The following PRSS23 variants were observed in gnomAD, a reference collection of about 807,000 sequenced individuals.
The protein encoded by PRSS23 is protease, serine 23.
Under a neutral mutation model 34.7 loss-of-function variants are expected in PRSS23, and 25 were observed. The ratio of observed to expected loss-of-function variants is 0.72; its 90% confidence interval spans 0.53 to 1.01. PRSS23 has a LOEUF of 1.01. Ranked by LOEUF, PRSS23 falls within the 50% of genes least tolerant of loss-of-function variation. The pLI, the probability that PRSS23 is intolerant of heterozygous loss-of-function variation, is 0.00. For missense variants in PRSS23, 445 were observed against 475.6 expected (o/e 0.94, Z 0.60); for synonymous variants, 176 against 186.6 (o/e 0.94, Z 0.46).
chr11:86,839,103 G>A (rs916385654), intron 2 of PRSS23, among the ~76,000 whole-genome samples: 8 of 151,690 alleles, frequency 5.3e-5, no homozygotes, highest in Non-Finnish European at 8.8e-5. Flanking sequence ...AAGGATTGCA[G>A]CTCCTCGCCA....
chr11:86,928,707 T>TATATATATATATATATATATATATATATA lies in PRSS23; in HGVS notation c.207-22509_207-22508insATATATATATATATATATATATATATATA, dbSNP rs59624601. 3.2e-3 allele frequency among the ~76,000 whole-genome samples: 212 copies of TATATATATATATATATATATATATATATA among 65,808 alleles called. 16 individuals carry two copies. The highest frequency in any genetic ancestry group is 7.9e-3 in the Middle Eastern group (1 of 126). 43.2% of individuals were successfully genotyped at this position (65,808 alleles called of 152,430 possible). On this transcript the variant is annotated intron_variant, in intron 2 of 2. Coordinates refer to the PRSS23 transcript ENST00000533902. ...AAAAAAAAAAAAAAAAAAAAAAAAA[T>TATATATATATATATATATATATATATATA]TGGCAAGACATATACAGCATATAAT...
At chr11:86,913,000 G>C (rs922494753) in intron 2 of PRSS23, among the ~76,000 whole-genome samples, 8 of 152,172 alleles carry the variant, frequency 5.3e-5, no homozygotes. Context: ...TGAAATCTCT[G>C]TTTAGTTGTT....
intron 2 of PRSS23, among the ~76,000 whole-genome samples, chr11:86,828,690 G>A (rs1479363416): frequency 6.6e-6 from 1 of 152,116 alleles, no homozygotes; most frequent in Non-Finnish European, 1.5e-5. Flanking sequence ...GGCAGGCTTG[G>A]TGGTGACAGA....
chr11:86,950,585 T>C (rs893760028), intron 2 of PRSS23: 1 of 169,486 alleles, frequency 5.9e-6, no homozygotes, highest in Non-Finnish European at 1.3e-5. Context: ...GGGAGTGCAG[T>C]CCACAAAGTT....
chr11:86,879,345 G>A (rs1438743672), intron 2 of PRSS23, among the ~76,000 whole-genome samples: 7 of 149,772 alleles, frequency 4.7e-5, no homozygotes, highest in Non-Finnish European at 7.4e-5. Flanking sequence ...CCCTCTGCCT[G>A]GCAACCGCCC....
chr11:86,940,158 C>G (rs1949197483), intron 2 of PRSS23, among the ~76,000 whole-genome samples: 1 of 152,190 alleles, frequency 6.6e-6, no homozygotes, highest in Non-Finnish European at 1.5e-5. Flanking sequence ...CCTGTCCCCT[C>G]CACTAACAGT....
chr11:86,798,452 A>G (rs1363034874), upstream of PRSS23, among the ~76,000 whole-genome samples: 1 of 152,220 alleles, frequency 6.6e-6, no homozygotes, highest in Non-Finnish European at 1.5e-5. Context: ...TGGTAGATGG[A>G]ACGAAGGAAA....
intron 2 of PRSS23, chr11:86,924,863 C>T (rs374226172): frequency 6.6e-6 from 1 of 152,352 alleles, no homozygotes; most frequent in African/African-American, 2.4e-5. Context: ...GCCTCTTCAC[C>T]CCTACCTAAC....
chr11:86,923,537 T>A (rs1407643516), intron 2 of PRSS23, among the ~76,000 whole-genome samples: 1 of 152,208 alleles, frequency 6.6e-6, no homozygotes, highest in Non-Finnish European at 1.5e-5. Context: ...TGAATATGTA[T>A]ATCTCAGACT....
At chr11:86,866,380 G>A (rs1204994230) in intron 2 of PRSS23, among the ~76,000 whole-genome samples, 2 of 152,186 alleles carry the variant, frequency 1.3e-5, no homozygotes, top group African/African-American at 4.8e-5. Flanking sequence ...GAGTGAAGGG[G>A]TCAGTGCATG....
intron 2 of PRSS23, chr11:86,924,900 T>C (rs1387122545): frequency 2.0e-5 from 3 of 152,202 alleles, no homozygotes; most frequent in Non-Finnish European, 4.4e-5. Context: ...TTTGTGACAC[T>C]TTTAGAATCA....
upstream of PRSS23, among the ~76,000 whole-genome samples, chr11:86,799,178 T>C (rs1948002426): frequency 6.6e-6 from 1 of 152,174 alleles, no homozygotes; most frequent in African/African-American, 2.4e-5. Context: ...CCAGGAGGTC[T>C]ACGCTGCAGT....
chr11:86,879,232 G>A (rs1201324193), intron 2 of PRSS23, among the ~76,000 whole-genome samples: 1 of 148,674 alleles, frequency 6.7e-6, no homozygotes, highest in Non-Finnish European at 1.5e-5. Context: ...CCTCTGCCCC[G>A]CCGCCCCGTC....
At chr11:86,938,240 C>A (rs1949177432) in intron 2 of PRSS23, among the ~76,000 whole-genome samples, 1 of 152,134 alleles carries the variant, frequency 6.6e-6, no homozygotes, top group African/African-American at 2.4e-5. Context: ...CAAACAAGAA[C>A]AATATAATGT....
intron 2 of PRSS23, among the ~76,000 whole-genome samples, chr11:86,824,144 C>G (rs532749999): frequency 8.1e-5 from 12 of 148,580 alleles, no homozygotes; most frequent in Admixed American, 2.7e-4. Flanking sequence ...CCCGTCTGTA[C>G]AAAAACTTCA....
At chr11:86,888,088 A>G (rs544968262) in intron 2 of PRSS23, among the ~76,000 whole-genome samples, 3 of 150,516 alleles carry the variant, frequency 2.0e-5, no homozygotes, top group African/African-American at 4.9e-5. Context: ...CACACACACA[A>G]TGTTACTGAG....
chr11:86,866,694 A>C (rs1948651667), intron 2 of PRSS23, among the ~76,000 whole-genome samples: 1 of 152,206 alleles, frequency 6.6e-6, no homozygotes, highest in South Asian at 2.1e-4. Context: ...AATGGGGCCT[A>C]ATGAGAGGTA....
intron 2 of PRSS23, among the ~76,000 whole-genome samples, chr11:86,824,140 T>G (rs563898478): frequency 6.0e-5 from 9 of 150,908 alleles, no homozygotes; most frequent in African/African-American, 2.2e-4. Context: ...AAATCCCGTC[T>G]GTACAAAAAC....
intron 2 of PRSS23, among the ~76,000 whole-genome samples, chr11:86,833,895 T>C (rs550787638): frequency 3.7e-4 from 56 of 152,176 alleles, no homozygotes; most frequent in African/African-American, 1.2e-3. Context: ...AATTGGGGCA[T>C]AGTAGGGGTT....
Sources: gnomAD v4.1 joint callset for allele counts (sites outside exome capture counted in the v4.1 genomes callset) on GRCh38, gnomAD v4.1.1 for gene constraint, MANE v1.5 for transcripts, NCBI Gene and HGNC (gene_info 2026-07-23, HGNC 2026-07-21) for gene names.